The following XKR5 variants were observed in gnomAD, a reference collection of about 807,000 sequenced individuals.
The protein encoded by XKR5 is XK related 5, also known as XK-related protein 5.
Under a neutral mutation model 40.8 loss-of-function variants are expected in XKR5, and 46 were observed. That is an observed-to-expected ratio of 1.13 (90% confidence interval 0.89 to 1.44). XKR5 has a LOEUF of 1.44. Among genes scored for constraint, XKR5 ranks in the 40% most tolerant of loss-of-function variants. The pLI is 0.00. For missense variants in XKR5, 1,169 were observed against 844.7 expected, an observed-to-expected ratio of 1.38 and a Z score of -4.76; for synonymous variants, 466 against 356.1, an observed-to-expected ratio of 1.31 and a Z score of -3.48.
chr8:6,835,296 C>T, intron 1 of XKR5, 140 bp downstream of exon 1: 3 of 837,614 alleles, frequency 3.6e-6, no homozygotes, highest in Non-Finnish European at 5.0e-6. Flanking sequence ...GGATGGCCAC[C>T]ACCGTGCGTC....
chr8:6,812,924 G>C (rs746745591), intron 6 of XKR5, among the ~76,000 whole-genome samples: 5 of 152,230 alleles, frequency 3.3e-5, no homozygotes, highest in African/African-American at 9.6e-5. Context: ...TCACATTGTT[G>C]TCAGTTTAAT....
At chr8:6,830,453 T>G (rs910808023) in intron 2 of XKR5, among the ~76,000 whole-genome samples, 1 of 152,208 alleles carries the variant, frequency 6.6e-6, no homozygotes, top group South Asian at 2.1e-4. Flanking sequence ...AAATTTCTGT[T>G]TTTTGGTTCA....
In XKR5 at chr8:6,823,745, G is replaced by A. The variant is rs1199753197; in HGVS notation, c.428-15C>T. The A allele has an allele frequency of 1.9e-6, 3 of 1,551,460 alleles. No homozygotes were observed. The African/African-American group carries it at 4.1e-5, about 21-fold the overall frequency. ...GGTGCTCACCCCTGAAAGGGAAGCA[G>A]AAAGATGTGGTATGCTCTGAAGATT... On this transcript the variant is annotated splice_polypyrimidine_tract_variant and intron_variant, in intron 3 of 6. Transcript: ENST00000618742.
rs1204725666 is a variant in XKR5, at chr8:6,824,443, G to A, written c.428-713C>T. 2.0e-5 allele frequency among the ~76,000 whole-genome samples: 3 copies of A among 152,142 alleles called. No homozygotes were observed. In the East Asian group the frequency reaches 5.8e-4, roughly 29 times the overall value. On this transcript the variant is annotated intron_variant, in intron 3 of 6. Transcript: ENST00000618742. ...TGTGAATGGCCTGAAATGAGTGGGA[G>A]CTGGAGACAAATGTTGCTGGGGCCT...
Position 6,823,739 on chromosome 8 carries a change from G to T in XKR5, c.428-9C>A, listed in dbSNP as rs573719053. 2.3e-4 allele frequency: 357 copies of T among 1,557,726 alleles called. 5 individuals carry two copies. In the South Asian group the frequency reaches 3.7e-3, roughly 16 times the overall value. On this transcript the variant is annotated splice_polypyrimidine_tract_variant and intron_variant, in intron 3 of 6. Coordinates refer to ENST00000618742, the MANE Select transcript of XKR5 (RefSeq NM_207411.5). ...AAACAGGGTGCTCACCCCTGAAAGG[G>T]AAGCAGAAAGATGTGGTATGCTCTG...
At chr8:6,817,392 A>T (rs1563350953) in intron 5 of XKR5, among the ~76,000 whole-genome samples, 1 of 152,040 alleles carries the variant, frequency 6.6e-6, no homozygotes, top group Non-Finnish European at 1.5e-5. Flanking sequence ...ACTGACAAAC[A>T]GTCTTTCCTC....
intron 5 of XKR5, among the ~76,000 whole-genome samples, chr8:6,818,974 C>T (rs946902637): frequency 2.6e-5 from 4 of 152,228 alleles, no homozygotes; most frequent in African/African-American, 9.6e-5. Context: ...CCTAGAAAGT[C>T]GAGGCTGCAG....
rs973566647 is a variant in XKR5, at chr8:6,835,465, G to A, written c.29C>T (p.Ala10Val). The A allele has an allele frequency of 5.3e-6, 8 of 1,501,838 alleles. No individual in the cohort carries two copies. The highest frequency in any genetic ancestry group is 1.4e-5 in the African/African-American group (1 of 69,306). 93.0% of individuals were successfully genotyped at this position (1,501,838 alleles called of 1,614,324 possible). A position where few individuals can be genotyped will look rare whatever the true frequency, so the allele number is the denominator to read the frequency against. ...GCTCTGCTCGGCCGCCTGCAGCAGG[G>A]CCGAGAGCCCCAGGAGCCTCGCGTG... MHARLLGLSALLQAAEQSAR... is the reference protein window; with the variant it reads MHARLLGLSVLLQAAEQSAR... Residue 10 changes from alanine (A) to valine (V), a missense_variant, in exon 1 of 7, where the codon GCC becomes GTC. By Grantham distance (64) the Ala-to-Val change is moderately conservative. Transcript: ENST00000618742.
chr8:6,821,186 C>T (rs1804211195), intron 5 of XKR5, among the ~76,000 whole-genome samples: 1 of 152,176 alleles, frequency 6.6e-6, no homozygotes, highest in Non-Finnish European at 1.5e-5. Flanking sequence ...CTCTAAAACC[C>T]ATGCCCCACC....
At position 6,815,892 on chromosome 8, in the gene XKR5, C is replaced by T; in HGVS notation, c.834G>A (p.Leu278=). The T allele has an allele frequency of 6.2e-7, 1 of 1,603,026 alleles. No individual in the cohort carries two copies. Among genetic ancestry groups the T allele is most frequent in the Non-Finnish European group, 8.5e-7 (1 of 1,174,858 alleles). ...GGAGAAAGTCGGTGGCCAACAGCAACAGGATGATGTTCTCCAACAGCATGA... is the reference window on the plus strand; with the variant it reads ...GGAGAAAGTCGGTGGCCAACAGCAATAGGATGATGTTCTCCAACAGCATGA... The part of the protein sequence containing the change: ...YMVMLLENII[L]LLLATDFLQG... Residue 278 remains leucine (L), a synonymous_variant, in exon 6 of 7, where the codon CTG becomes CTA. Transcript: ENST00000618742.
chr8:6,831,929 C>T (rs1370547584), intron 2 of XKR5, among the ~76,000 whole-genome samples: 2 of 146,198 alleles, frequency 1.4e-5, no homozygotes, highest in South Asian at 2.2e-4. Context: ...GCAGGAGAAT[C>T]GCTTGAACCC....
rs1803750729 is a variant in XKR5, at chr8:6,812,168, C to T, written c.1091G>A (p.Cys364Tyr). 2 of 1,551,600 alleles carry T rather than the reference C, an allele frequency of 1.3e-6. No individual in the cohort carries two copies. Among genetic ancestry groups the T allele is most frequent in the Middle Eastern group, 1.7e-4 (1 of 6,014 alleles). ...AGKRTESSGSCQGASYEPTIL... is the reference protein window; with the variant it reads ...AGKRTESSGSYQGASYEPTIL... ...GGTTGGTTCATAACTTGCCCCTTGG[C>T]ATGAGCCTGAGCTCTCGGTTCTCTT... Residue 364 changes from cysteine (C) to tyrosine (Y), a missense_variant, in exon 7 of 7, where the codon TGC (cysteine) becomes TAC (tyrosine). By Grantham distance (194) the Cys-to-Tyr change is radical. Transcript: ENST00000618742.
chr8:6,809,647 C>T lies in XKR5; in HGVS notation c.*1551G>A, dbSNP rs943621407. 3 of 152,302 alleles carry T rather than the reference C, an allele frequency of 2.0e-5. No individual in the cohort carries two copies. The highest frequency in any genetic ancestry group is 6.5e-5 in the Admixed American group (1 of 15,296). The allele number at this position is 152,302 out of a possible 1,614,324, so 9.4% of individuals were successfully genotyped here. ...AGTTTGTAGCCACTTGTCTGCATCCCCGATTGGCTTATGTGGCTGGCCAGG... is the reference window on the plus strand; with the variant it reads ...AGTTTGTAGCCACTTGTCTGCATCCTCGATTGGCTTATGTGGCTGGCCAGG... On this transcript the variant is annotated 3_prime_UTR_variant, in exon 7 of 7. Transcript: ENST00000618742.
At chr8:6,825,059 T>A (rs752668035) in intron 3 of XKR5, 106 bp downstream of exon 3, 30 of 1,377,564 alleles carry the variant, frequency 2.2e-5, no homozygotes, top group African/African-American at 4.3e-5. Flanking sequence ...GCCCTAATGC[T>A]CCTAAGCAGA....
At chr8:6,819,371 G>T (rs1048536828) in intron 5 of XKR5, among the ~76,000 whole-genome samples, 33 of 152,238 alleles carry the variant, frequency 2.2e-4, no homozygotes, top group African/African-American at 8.0e-4. Context: ...TCAGGGAGTG[G>T]CGCCCCAGTC....
Position 6,811,419 on chromosome 8 carries a change from C to A in XKR5, c.1840G>T (p.Ala614Ser). Residue 614 changes from alanine to serine, a missense_variant, in exon 7 of 7, where the codon GCA becomes TCA. Ala to Ser is a moderately conservative substitution (Grantham distance 99, BLOSUM62 1). Coordinates refer to ENST00000618742, the MANE Select transcript of XKR5 (RefSeq NM_207411.5). ...CTGAGGGTTCTTCCAGGGAAGCCTG[C>A]ACTGGGGCAGAAGCCTCTACATGGG... is the stretch of plus-strand genomic sequence containing the variant. The part of the protein sequence containing the change: ...TGPCRGFCPS[A>S]GFPGRTLSIS... The A allele has an allele frequency of 1.3e-6, 2 of 1,537,104 alleles. No homozygotes were observed. The highest frequency in any genetic ancestry group is 1.7e-6 in the Non-Finnish European group (2 of 1,146,820).
At chr8:6,825,093 G>A (rs980129576) in intron 3 of XKR5, 72 bp downstream of exon 3, 1 of 1,572,400 alleles carries the variant, frequency 6.4e-7, no homozygotes, top group African/African-American at 1.4e-5. Flanking sequence ...GGAGGGTTTT[G>A]CTAAACAGGC....
chr8:6,832,939 G>C, intron 1 of XKR5, 39 bp from the exon 2 acceptor site: 2 of 1,496,714 alleles, frequency 1.3e-6, no homozygotes, highest in Middle Eastern at 2.2e-4. Flanking sequence ...TTGTTGGAAG[G>C]CTGGAGTGAG....
At chr8:6,822,920 C>T (rs1731360197) in intron 4 of XKR5, among the ~76,000 whole-genome samples, 1 of 152,216 alleles carries the variant, frequency 6.6e-6, no homozygotes, top group African/African-American at 2.4e-5. Flanking sequence ...TGCAGTATGA[C>T]ATATAGACTG....
Sources: allele counts gnomAD v4.1 joint callset (sites outside exome capture counted in the v4.1 genomes callset), GRCh38; gene constraint gnomAD v4.1.1; transcripts MANE v1.5; gene names NCBI Gene and HGNC (gene_info 2026-07-23, HGNC 2026-07-21).